The following UTRN variants were observed in gnomAD, a reference collection of about 807,000 sequenced individuals.
The protein encoded by UTRN is dystrophin-related protein 1.
UTRN carries 283 observed loss-of-function variants against 463.9 expected under a neutral mutation model. The observed-to-expected ratio is 0.61, with a 90% CI of 0.55 to 0.67. The LOEUF (loss-of-function observed/expected upper bound fraction) is 0.67. Ranked by LOEUF, UTRN falls within the 30% of genes least tolerant of loss-of-function variation. UTRN has a pLI of 0.00. For missense variants in UTRN, 3,922 were observed against 4,084.3 expected, an observed-to-expected ratio of 0.96 and a Z score of 1.08; for synonymous variants, 1,442 against 1,431.5, an observed-to-expected ratio of 1.01 and a Z score of -0.17.
At chr6:144,754,996 G>A (rs548184794) in intron 57 of UTRN, among the ~76,000 whole-genome samples, 198 bp downstream of exon 57, 1 of 152,184 alleles carries the variant, frequency 6.6e-6, no homozygotes, top group African/African-American at 2.4e-5. Context: ...AAGTCTTCAA[G>A]GTGGAACAGA....
At chr6:144,752,984 G>A (rs1043533620) in intron 56 of UTRN, among the ~76,000 whole-genome samples, 18 of 152,210 alleles carry the variant, frequency 1.2e-4, no homozygotes, top group African/African-American at 4.3e-4. Context: ...GGGCAACACT[G>A]TTGAATTGCA....
Position 144,421,976 on chromosome 6 carries a change from C to T in UTRN, c.234+6C>T, listed in dbSNP as rs1278659793. On this transcript the variant is annotated splice_donor_region_variant and intron_variant, in intron 4 of 74. Transcript: ENST00000367545. Reference sequence around the variant, plus strand: ...GCCTCACAGGAACATCACTGGTGAGCAAGTCATCTTTGTAAACAACGGAGT... The same window carrying T: ...GCCTCACAGGAACATCACTGGTGAGTAAGTCATCTTTGTAAACAACGGAGT... 3 of 1,605,970 alleles carry T rather than the reference C, an allele frequency of 1.9e-6. No homozygotes were observed. Among genetic ancestry groups the T allele is most frequent in the Non-Finnish European group, 2.6e-6 (3 of 1,176,000 alleles).
chr6:144,817,255 C>T (rs1428550767), intron 65 of UTRN, among the ~76,000 whole-genome samples: 4 of 152,098 alleles, frequency 2.6e-5, no homozygotes, highest in African/African-American at 9.7e-5. Context: ...ACCTGTTACC[C>T]TTGTGTTTGA....
intron 52 of UTRN, among the ~76,000 whole-genome samples, chr6:144,693,523 G>A (rs1275328939): frequency 1.3e-5 from 2 of 152,186 alleles, no homozygotes; most frequent in Non-Finnish European, 2.9e-5. Context: ...CTATCCACGA[G>A]CATGGAATGT....
intron 2 of UTRN, among the ~76,000 whole-genome samples, chr6:144,367,458 AATT>A (rs1562301524): frequency 1.3e-5 from 2 of 152,152 alleles, no homozygotes; most frequent in South Asian, 2.1e-4. Context: ...GACTTTCCTC[AATT>A]ATTATATAGA....
intron 3 of UTRN, among the ~76,000 whole-genome samples, chr6:144,408,284 T>G (rs549556392): frequency 8.5e-5 from 13 of 152,380 alleles, no homozygotes; most frequent in Non-Finnish European, 1.5e-4. Flanking sequence ...TTGCCCCTTC[T>G]AAATTTCAGA....
chr6:144,559,135 A>G (rs1270900672), intron 50 of UTRN, among the ~76,000 whole-genome samples: 1 of 151,244 alleles, frequency 6.6e-6, no homozygotes. Flanking sequence ...TTTACTTTGT[A>G]AATATTTTAA....
intron 51 of UTRN, among the ~76,000 whole-genome samples, chr6:144,660,882 C>CT (rs953395537): frequency 6.6e-6 from 1 of 152,192 alleles, no homozygotes; most frequent in Non-Finnish European, 1.5e-5. Flanking sequence ...GCGTGTAGCT[C>CT]TTTTTTCCAT....
chr6:144,768,617 A>G (rs543577516), intron 58 of UTRN, among the ~76,000 whole-genome samples: 4 of 152,316 alleles, frequency 2.6e-5, no homozygotes, highest in African/African-American at 9.6e-5. Context: ...GCTAAAATGA[A>G]TTTACCTCTG....
At chr6:144,588,206 T>C (rs1802664075) in intron 51 of UTRN, among the ~76,000 whole-genome samples, 1 of 152,202 alleles carries the variant, frequency 6.6e-6, no homozygotes, top group African/African-American at 2.4e-5. Context: ...TCCTGTGGCT[T>C]CCAAGAGCAC....
At chr6:144,550,614 C>T (rs1301485292) in intron 47 of UTRN, among the ~76,000 whole-genome samples, 1 of 152,168 alleles carries the variant, frequency 6.6e-6, no homozygotes, top group African/African-American at 2.4e-5. Flanking sequence ...GCAATAACTG[C>T]TAATGTTTTC....
intron 35 of UTRN, 76 bp from the exon 36 acceptor site, chr6:144,513,833 C>A: frequency 6.6e-7 from 1 of 1,517,624 alleles, no homozygotes; most frequent in Non-Finnish European, 8.9e-7. Flanking sequence ...CTTTGAAGGT[C>A]TTTTAAATCT....
Position 144,754,630 on chromosome 6 carries a change from A to AT in UTRN, c.8356-87dup, listed in dbSNP as rs1586397574. 2.6e-5 allele frequency: 35 copies of AT among 1,320,846 alleles called. No individual in the cohort carries two copies. In the East Asian group the frequency reaches 8.5e-4, roughly 32 times the overall value. 81.8% of individuals were successfully genotyped at this position (1,320,846 alleles called of 1,614,324 possible). A position where few individuals can be genotyped will look rare whatever the true frequency, so the allele number is the denominator to read the frequency against. ...CAATCATATCCTGGGCAATAGCATC[A>AT]TTTATTATAGTCTTTAAAGCAAAAA... is the stretch of plus-strand genomic sequence containing the variant. On this transcript the variant is annotated intron_variant, in intron 56 of 74. Transcript: ENST00000367545.
intron 2 of UTRN, among the ~76,000 whole-genome samples, chr6:144,384,811 G>A (rs1048673181): frequency 5.3e-5 from 8 of 152,132 alleles, no homozygotes; most frequent in African/African-American, 1.9e-4. Context: ...TGATCTGTTT[G>A]TGGACACTTG....
chr6:144,757,844 G>C (rs972793933), intron 57 of UTRN, 85 bp from the exon 58 acceptor site: 11 of 1,248,548 alleles, frequency 8.8e-6, no homozygotes, highest in African/African-American at 1.5e-5. Context: ...CATTGAATTT[G>C]CTATAAAATG....
At chr6:144,424,588 A>G (rs189632021) in intron 6 of UTRN, among the ~76,000 whole-genome samples, 127 of 152,330 alleles carry the variant, frequency 8.3e-4, no homozygotes, top group Non-Finnish European at 1.6e-3. Flanking sequence ...ACAATTTTCA[A>G]TGGAAGAGGC....
chr6:144,767,080 A>G (rs1009339782), intron 58 of UTRN, among the ~76,000 whole-genome samples: 1 of 152,132 alleles, frequency 6.6e-6, no homozygotes, highest in Non-Finnish European at 1.5e-5. Flanking sequence ...AATGATATTA[A>G]GGCAGAGAAA....
chr6:144,537,937 T>C (rs1449621975), intron 44 of UTRN, among the ~76,000 whole-genome samples: 1 of 152,224 alleles, frequency 6.6e-6, no homozygotes, highest in East Asian at 1.9e-4. Flanking sequence ...CAAACTATTA[T>C]GGTGTCAGTA....
chr6:144,816,561 G>A (rs1779095009), intron 65 of UTRN, among the ~76,000 whole-genome samples: 1 of 151,788 alleles, frequency 6.6e-6, no homozygotes, highest in Non-Finnish European at 1.5e-5. Flanking sequence ...TTTTACAAAT[G>A]GCTGTCTCTG....
Sources: allele counts gnomAD v4.1 joint callset (sites outside exome capture counted in the v4.1 genomes callset), GRCh38; gene constraint gnomAD v4.1.1; transcripts MANE v1.5; gene names NCBI Gene and HGNC (gene_info 2026-07-23, HGNC 2026-07-21).